Variants in HIP1 observed in about 807,000 individuals in gnomAD.
The protein encoded by HIP1 is huntingtin-interacting protein 1.
A neutral mutation model predicts 147.6 loss-of-function variants in HIP1; 65 were observed. The ratio of observed to expected loss-of-function variants is 0.44; its 90% confidence interval spans 0.36 to 0.54. The LOEUF (loss-of-function observed/expected upper bound fraction) is 0.54. Among genes scored for constraint, HIP1 ranks in the 20% least tolerant of loss-of-function variants. The probability of loss-of-function intolerance (pLI) is 0.00; values close to 1 mark genes in which losing one functional copy is unlikely to be tolerated. For missense variants in HIP1, 1,061 were observed against 1,299.6 expected (o/e 0.82, Z 2.82); for synonymous variants, 479 against 504.0 (o/e 0.95, Z 0.67).
At chr7:75,630,527 G>C (rs1798177771) in intron 1 of HIP1, among the ~76,000 whole-genome samples, 1 of 151,868 alleles carries the variant, frequency 6.6e-6, no homozygotes, top group Non-Finnish European at 1.5e-5. Context: ...GAGATAGGGA[G>C]TGTGCCTACT....
At chr7:75,613,085 TCACACACACA>T (rs143183301) in intron 1 of HIP1, among the ~76,000 whole-genome samples, 1 of 148,122 alleles carries the variant, frequency 6.8e-6, no homozygotes, top group African/African-American at 2.5e-5. Flanking sequence ...CCAACTTGGG[TCACACACACA>T]CACACACACA....
At chr7:75,585,757 C>A (rs1348524984) in intron 5 of HIP1, among the ~76,000 whole-genome samples, 1 of 152,012 alleles carries the variant, frequency 6.6e-6, no homozygotes, top group East Asian at 1.9e-4. Context: ...TTGCCAGACC[C>A]CTGTACACCC....
intron 1 of HIP1, among the ~76,000 whole-genome samples, chr7:75,658,059 C>G (rs1350522452): frequency 3.3e-5 from 5 of 152,146 alleles, no homozygotes; most frequent in African/African-American, 1.2e-4. Flanking sequence ...CACCCTGGGA[C>G]ACTCCAAAAG....
At chr7:75,541,735 A>AC (rs1794328187) in intron 29 of HIP1, among the ~76,000 whole-genome samples, 184 bp downstream of exon 29, 1 of 151,540 alleles carries the variant, frequency 6.6e-6, no homozygotes, top group African/African-American at 2.4e-5. Context: ...CAAAAAAAAA[A>AC]AACAAGGTGA....
Position 75,656,152 on chromosome 7 carries a change from T to C in HIP1, c.121-56905A>G, listed in dbSNP as rs376831244. Among the ~76,000 whole-genome samples the C allele has an allele frequency of 1.2e-3, 185 of 151,962 alleles. 4 individuals carry two copies. In the South Asian group the frequency reaches 0.037, roughly 30 times the overall value. Reference sequence around the variant, plus strand: ...AAAAATAAAAATAAAATGGTGACAATGGCAAACTTTATGTTATATGTATTT... The same window carrying C: ...AAAAATAAAAATAAAATGGTGACAACGGCAAACTTTATGTTATATGTATTT... On this transcript the variant is annotated intron_variant, in intron 1 of 30. Coordinates refer to ENST00000336926, the MANE Select transcript of HIP1 (RefSeq NM_005338.7).
chr7:75,610,354 C>T (rs943397779), intron 1 of HIP1, among the ~76,000 whole-genome samples: 5 of 151,564 alleles, frequency 3.3e-5, no homozygotes, highest in Non-Finnish European at 7.4e-5. Context: ...GACTTCCAGG[C>T]ATGTGCCACC....
chr7:75,581,967 C>T (rs587771958), intron 6 of HIP1, 108 bp downstream of exon 6: 9 of 864,096 alleles, frequency 1.0e-5, no homozygotes, highest in East Asian at 2.7e-5. Context: ...CTTTGGTCCC[C>T]ATCCCAGCCA....
chr7:75,576,773 G>A (rs1795860778), intron 7 of HIP1, among the ~76,000 whole-genome samples: 1 of 152,286 alleles, frequency 6.6e-6, no homozygotes, highest in East Asian at 1.9e-4. Context: ...GTTGAAAACT[G>A]TATGTCCAAG....
At chr7:75,573,678 G>T in intron 8 of HIP1, 83 bp downstream of exon 8, 1 of 1,400,142 alleles carries the variant, frequency 7.1e-7, no homozygotes. Flanking sequence ...GAGAAGGACT[G>T]CGTTTCTCTG....
chr7:75,573,957 T>C (rs1395521654), intron 7 of HIP1, 56 bp from the exon 8 acceptor site: 28 of 1,533,236 alleles, frequency 1.8e-5, no homozygotes, highest in Non-Finnish European at 2.3e-5. Context: ...ACAGGCAGCC[T>C]CTTCAGAGGG....
intron 1 of HIP1, among the ~76,000 whole-genome samples, chr7:75,700,150 C>T (rs1045975812): frequency 6.6e-6 from 1 of 152,144 alleles, no homozygotes; most frequent in Non-Finnish European, 1.5e-5. Context: ...CGTGCCTGGC[C>T]GGCACCGAGT....
At chr7:75,667,742 C>T (rs2525468) in intron 1 of HIP1, among the ~76,000 whole-genome samples, 86,490 of 152,064 alleles carry the variant, frequency 0.57, 25,066 homozygotes, top group African/African-American at 0.66. Flanking sequence ...CCTCCCACCT[C>T]GGCCTCACAA....
chr7:75,660,927 G>A (rs966608326), intron 1 of HIP1, among the ~76,000 whole-genome samples: 2 of 152,060 alleles, frequency 1.3e-5, no homozygotes, highest in African/African-American at 4.8e-5. Flanking sequence ...ACATAGCATC[G>A]GGGAAGGCCT....
In HIP1 at chr7:75,639,571, G is replaced by A. The variant is rs1584910370; in HGVS notation, c.121-40324C>T. 3.4e-5 allele frequency among the ~76,000 whole-genome samples: 5 copies of A among 149,058 alleles called. 1 individual carries two copies. In the South Asian group the frequency reaches 1.1e-3, roughly 31 times the overall value. On this transcript the variant is annotated intron_variant, in intron 1 of 30. Transcript: ENST00000336926. ...CCGGCCCGCCAGGAAGCGTGTGTGT[G>A]TGTGTGTGTGTGTGTGTGTGTGCGC...
intron 4 of HIP1, 139 bp downstream of exon 4, chr7:75,591,917 A>G: frequency 5.2e-6 from 4 of 764,294 alleles, no homozygotes; most frequent in Non-Finnish European, 9.4e-6. Context: ...GGGCATCCTT[A>G]GTCCGTCTCT....
chr7:75,697,824 C>CA, intron 1 of HIP1, among the ~76,000 whole-genome samples: 1 of 152,184 alleles, frequency 6.6e-6, no homozygotes, highest in South Asian at 2.1e-4. Flanking sequence ...AAACAAAAAA[C>CA]AAAAAAGTTT....
chr7:75,591,571 C>T (rs1554500759), intron 4 of HIP1, among the ~76,000 whole-genome samples: 1 of 151,906 alleles, frequency 6.6e-6, no homozygotes, highest in Non-Finnish European at 1.5e-5. Flanking sequence ...TCCAACGGGA[C>T]CAGTGGAAGG....
intron 1 of HIP1, among the ~76,000 whole-genome samples, chr7:75,688,221 G>A (rs1800329832): frequency 6.6e-6 from 1 of 152,158 alleles, no homozygotes; most frequent in Non-Finnish European, 1.5e-5. Flanking sequence ...CCACAATCCG[G>A]GAGGTGGGAC....
chr7:75,617,157 C>T (rs1797699669), intron 1 of HIP1, among the ~76,000 whole-genome samples: 2 of 151,348 alleles, frequency 1.3e-5, no homozygotes, highest in Non-Finnish European at 2.9e-5. Flanking sequence ...TCACTGCAAC[C>T]TCCGCCTCCC....
Sources: allele counts gnomAD v4.1 joint callset (sites outside exome capture counted in the v4.1 genomes callset), GRCh38; gene constraint gnomAD v4.1.1; transcripts MANE v1.5; gene names NCBI Gene and HGNC (gene_info 2026-07-23, HGNC 2026-07-21).